Variants in SORCS2 observed in about 807,000 individuals in gnomAD.
SORCS2 encodes VPS10 domain-containing receptor SorCS2.
A neutral mutation model predicts 141.6 loss-of-function variants in SORCS2; 100 were observed. That is an observed-to-expected ratio of 0.71 (90% CI 0.60 to 0.83). SORCS2 has a LOEUF of 0.83. Ranked by LOEUF, SORCS2 falls within the 40% of genes least tolerant of loss-of-function variation. SORCS2 has a pLI of 0.00. For missense variants in SORCS2, 1,646 were observed against 1,560.2 expected (o/e 1.05, Z -0.93); for synonymous variants, 789 against 676.9 (o/e 1.17, Z -2.57).
At chr4:7,556,021 C>G (rs1046101033) in intron 3 of SORCS2, among the ~76,000 whole-genome samples, 1 of 152,216 alleles carries the variant, frequency 6.6e-6, no homozygotes, top group African/African-American at 2.4e-5. Context: ...CAACTCACAT[C>G]GCGATGCTCA....
chr4:7,278,722 G>A (rs1024651538), intron 1 of SORCS2, among the ~76,000 whole-genome samples: 1 of 152,226 alleles, frequency 6.6e-6, no homozygotes, highest in South Asian at 2.1e-4. Flanking sequence ...ATCCAGCACA[G>A]AGAGCAGCCT....
chr4:7,283,068 C>A (rs1391786684), intron 1 of SORCS2, among the ~76,000 whole-genome samples: 1 of 147,858 alleles, frequency 6.8e-6, no homozygotes, highest in African/African-American at 2.4e-5. Flanking sequence ...CCCATTCATT[C>A]ATTCACTCAT....
At chr4:7,316,253 T>C (rs6832272) in intron 1 of SORCS2, among the ~76,000 whole-genome samples, 90,487 of 151,518 alleles carry the variant, frequency 0.6, 27,119 homozygotes, top group South Asian at 0.73. Flanking sequence ...CATCCATCCA[T>C]GCATCCATTC....
chr4:7,217,291 C>G lies in SORCS2; in HGVS notation c.480+24165C>G, dbSNP rs73079876. Among the ~76,000 whole-genome samples the G allele has an allele frequency of 3.2e-3, 482 of 152,336 alleles. 3 individuals carry two copies. The highest frequency in any genetic ancestry group is 0.014 in the South Asian group (66 of 4,822). On this transcript the variant is annotated intron_variant, in intron 1 of 26. Coordinates refer to ENST00000507866, the MANE Select transcript of SORCS2 (RefSeq NM_020777.3). ...TGAGACCCGAGGACCCCGCAGCTTGCTGGTGCCCTGGCCCTCAGGCATCAC... is the reference window on the plus strand; with the variant it reads ...TGAGACCCGAGGACCCCGCAGCTTGGTGGTGCCCTGGCCCTCAGGCATCAC...
chr4:7,361,767 A>G (rs891793553), intron 1 of SORCS2, among the ~76,000 whole-genome samples: 6 of 146,780 alleles, frequency 4.1e-5, no homozygotes, highest in African/African-American at 1.5e-4. Context: ...AGTGGCTAAG[A>G]AAAAAAAAAA....
intron 1 of SORCS2, among the ~76,000 whole-genome samples, chr4:7,227,108 T>C (rs972692258): frequency 4.6e-5 from 7 of 152,176 alleles, no homozygotes; most frequent in African/African-American, 9.7e-5. Context: ...GGTACTCTTA[T>C]GCACTTGTGC....
rs755287183 is a variant in SORCS2 at position 7,733,483 on chromosome 4, C to T, written c.3208+62C>T. The T allele has an allele frequency of 2.4e-4, 332 of 1,362,926 alleles. 1 individual carries two copies. Among genetic ancestry groups the T allele is most frequent in the Non-Finnish European group, 3.2e-4 (318 of 995,112 alleles). The allele number at this position is 1,362,926 out of a possible 1,614,324, so 84.4% of individuals were successfully genotyped here. A position where few individuals can be genotyped will look rare whatever the true frequency, so the allele number is the denominator to read the frequency against. The stretch of plus-strand genomic sequence containing the variant: ...GGAGGCATCCGGGCCCTGGAGAAGC[C>T]ATGTCCCTGCAGGGCCCTCGGGCAG... On this transcript the variant is annotated intron_variant, in intron 24 of 26. Coordinates refer to ENST00000507866, the MANE Select transcript of SORCS2 (RefSeq NM_020777.3).
rs10010442 is a variant in SORCS2 at position 7,246,487 on chromosome 4, T to C, written c.480+53361T>C. Among the ~76,000 whole-genome samples the C allele has an allele frequency of 5.9e-3, 710 of 120,730 alleles. 13 individuals carry two copies. The highest frequency in any genetic ancestry group is 0.028 in the African/African-American group (674 of 23,816). 79.2% of individuals were successfully genotyped at this position (120,730 alleles called of 152,430 possible). On this transcript the variant is annotated intron_variant, in intron 1 of 26. Coordinates refer to ENST00000507866, the MANE Select transcript of SORCS2 (RefSeq NM_020777.3). ...CTTAAATGAACCCACACGTCTCACC[T>C]GGGGCTTAAATGAACCCACACATCT...
chr4:7,498,588 G>T (rs1731773103), intron 2 of SORCS2, among the ~76,000 whole-genome samples: 1 of 152,230 alleles, frequency 6.6e-6, no homozygotes, highest in Admixed American at 6.5e-5. Context: ...AGCTGGGTGA[G>T]GCCCCACCTC....
intron 2 of SORCS2, among the ~76,000 whole-genome samples, chr4:7,424,850 C>T (rs1189385980): frequency 6.6e-6 from 1 of 152,206 alleles, no homozygotes; most frequent in African/African-American, 2.4e-5. Context: ...TGGGGCCTGC[C>T]CTAAAATCAA....
chr4:7,197,124 G>C (rs1295943651), intron 1 of SORCS2, among the ~76,000 whole-genome samples: 1 of 152,194 alleles, frequency 6.6e-6, no homozygotes, highest in Non-Finnish European at 1.5e-5. Context: ...TCTCTCCTGG[G>C]CTCGCAGATG....
chr4:7,737,013 G>T, intron 25 of SORCS2, 56 bp from the exon 26 acceptor site: 1 of 1,545,636 alleles, frequency 6.5e-7, no homozygotes, highest in Non-Finnish European at 8.7e-7. Flanking sequence ...AGGCTCCAGG[G>T]ACAGGCGGCC....
At chr4:7,449,004 T>C (rs533163344) in intron 2 of SORCS2, among the ~76,000 whole-genome samples, 1 of 2,294 alleles carries the variant, frequency 4.4e-4, no homozygotes, top group African/African-American at 1.1e-3. Context: ...CTTTTCCCTC[T>C]CTTCCTCCCT....
chr4:7,267,834 GA>G (rs1259295174), intron 1 of SORCS2, among the ~76,000 whole-genome samples: 7 of 152,150 alleles, frequency 4.6e-5, no homozygotes, highest in African/African-American at 1.4e-4. Flanking sequence ...TCCGTCTCAA[GA>G]AAAAAAATAC....
chr4:7,406,385 G>A (rs1724973305), intron 2 of SORCS2, among the ~76,000 whole-genome samples: 1 of 130,964 alleles, frequency 7.6e-6, no homozygotes, highest in Non-Finnish European at 1.6e-5. Context: ...TTTTTTGATA[G>A]GAGACTTTAT....
chr4:7,299,086 C>T (rs1313861694), intron 1 of SORCS2, among the ~76,000 whole-genome samples: 7 of 152,368 alleles, frequency 4.6e-5, no homozygotes, highest in African/African-American at 7.2e-5. Context: ...CACATAAAGC[C>T]GGGGGTTGGT....
chr4:7,616,503 G>A (rs1415975852), intron 3 of SORCS2, among the ~76,000 whole-genome samples: 1 of 151,888 alleles, frequency 6.6e-6, no homozygotes, highest in Admixed American at 6.6e-5. Context: ...ATCCAAGTGG[G>A]GTGGTCATGT....
intron 1 of SORCS2, among the ~76,000 whole-genome samples, chr4:7,323,310 C>T (rs776830432): frequency 1.8e-4 from 28 of 152,172 alleles, no homozygotes; most frequent in Admixed American, 3.9e-4. Context: ...AGTAGTCCTG[C>T]GACCCAGAGA....
chr4:7,674,539 A>C (rs1484940864), intron 8 of SORCS2, among the ~76,000 whole-genome samples: 1 of 139,444 alleles, frequency 7.2e-6, no homozygotes, highest in East Asian at 2.2e-4. Flanking sequence ...GCGCCATTGC[A>C]CTCCAGCCTG....
Sources: gnomAD v4.1 joint callset for allele counts (sites outside exome capture counted in the v4.1 genomes callset) on GRCh38, gnomAD v4.1.1 for gene constraint, MANE v1.5 for transcripts, NCBI Gene and HGNC (gene_info 2026-07-23, HGNC 2026-07-21) for gene names.